Variants in HOXC4 observed in about 807,000 individuals in gnomAD.
The protein encoded by HOXC4 is homeobox protein Hox-C4.
A neutral mutation model predicts 25.5 loss-of-function variants in HOXC4; 15 were observed. The observed-to-expected ratio is 0.59, with a 90% CI of 0.39 to 0.91. The LOEUF is 0.91. HOXC4 is among the 40% of genes least tolerant of loss of function. The pLI, the probability that HOXC4 is intolerant of heterozygous loss-of-function variation, is 0.00. For missense variants in HOXC4, 342 were observed against 352.4 expected (o/e 0.97, Z 0.24); for synonymous variants, 165 against 148.0 (o/e 1.11, Z -0.83).
intron 1 of HOXC4, among the ~76,000 whole-genome samples, chr12:54,043,623 G>A (rs1331945188): frequency 6.7e-6 from 1 of 148,202 alleles, no homozygotes; most frequent in Non-Finnish European, 1.5e-5. Flanking sequence ...CAGCTGTTGA[G>A]TTTCCTTCCT....
chr12:54,038,593 T>C (rs1378597604), intron 1 of HOXC4, among the ~76,000 whole-genome samples: 2 of 152,132 alleles, frequency 1.3e-5, no homozygotes, highest in African/African-American at 4.8e-5. Context: ...CCTCCCTCAC[T>C]ACCAGGCTTG....
Position 54,044,011 on chromosome 12 carries a change from T to C in HOXC4, c.-123-9149T>C, listed in dbSNP as rs571155933. 8.6e-5 allele frequency among the ~76,000 whole-genome samples: 13 copies of C among 151,314 alleles called. No homozygotes were observed. In the East Asian group the frequency reaches 2.0e-3, roughly 23 times the overall value. The stretch of plus-strand genomic sequence containing the variant: ...CAGGTCTTTCATTTTATGTTGTGTC[T>C]CTCCCCATCCCCTGGGTGGAGGATG... On this transcript the variant is annotated intron_variant, in intron 1 of 3. Coordinates refer to the HOXC4 transcript ENST00000303406.
intron 1 of HOXC4, chr12:54,033,328 C>G: frequency 6.2e-7 from 1 of 1,613,528 alleles, no homozygotes; most frequent in Non-Finnish European, 8.5e-7. Flanking sequence ...AACCCCCGGG[C>G]TCACCCCGAC....
At chr12:54,016,944 G>C (rs1940181165) in exon 1 of HOXC4, 1 of 152,050 alleles carries the variant, frequency 6.6e-6, no homozygotes, top group Admixed American at 6.5e-5. Flanking sequence ...TGCCCTGGGC[G>C]CTCCCTTCAT....
chr12:54,054,136 C>A lies in HOXC4; in HGVS notation c.214C>A (p.Leu72Ile). 6.2e-7 allele frequency: 1 copy of A among 1,614,188 alleles called. No individual in the cohort carries two copies. The highest frequency in any genetic ancestry group is 1.3e-5 in the African/African-American group (1 of 75,060). The change falls in exon 1 of 2, where the codon CTC (leucine) becomes ATC (isoleucine). Residue 72 changes from leucine (L) to isoleucine (I), a missense_variant. Coordinates refer to ENST00000430889, the MANE Select transcript of HOXC4 (RefSeq NM_153633.3). ...YPERQYSCTS[L>I]QGPGNSRGHG... ...TGAGCGCCAGTATAGCTGCACCAGT[C>A]TCCAGGGGCCCGGCAATTCGCGAGG...
intron 1 of HOXC4, chr12:54,034,333 C>T: frequency 1.2e-6 from 2 of 1,614,178 alleles, no homozygotes; most frequent in South Asian, 2.2e-5. Flanking sequence ...CTCTGGAACT[C>T]GAGAAAGAAT....
In HOXC4 at chr12:54,055,310, AT is replaced by A. The variant is rs1937952441; in HGVS notation, c.*106del. On this transcript the variant is annotated 3_prime_UTR_variant, in exon 2 of 2. Transcript: ENST00000430889. ...AATATATATATATATATATATATATATAGGTTCTTTTCTCTCTTCCTCTCAC... is the reference window on the plus strand; with the variant it reads ...AATATATATATATATATATATATATAAGGTTCTTTTCTCTCTTCCTCTCAC... 3.7e-6 allele frequency: 1 copy of A among 271,484 alleles called. No homozygotes were observed. The highest frequency in any genetic ancestry group is 2.5e-5 in the African/African-American group (1 of 40,770). 16.8% of individuals were successfully genotyped at this position (271,484 alleles called of 1,614,324 possible).
chr12:54,054,284 C>A lies in HOXC4; in HGVS notation c.362C>A (p.Ala121Asp), dbSNP rs1294830587. The change falls in exon 1 of 2, where the codon GCC becomes GAC. Residue 121 changes from alanine to aspartate, a missense_variant. Ala to Asp is a moderately radical substitution (Grantham distance 126). Coordinates refer to ENST00000430889, the MANE Select transcript of HOXC4 (RefSeq NM_153633.3). The part of the protein sequence containing the change: ...SPAPPACSQP[A>D]PDHPSSAASK... The stretch of plus-strand genomic sequence containing the variant: ...GCCCCGCCAGCCTGCAGCCAGCCAG[C>A]CCCCGACCATCCCTCCAGCGCCGCC... The A allele has an allele frequency of 7.5e-6, 12 of 1,608,204 alleles. No homozygotes were observed. The highest frequency in any genetic ancestry group is 9.3e-6 in the Non-Finnish European group (11 of 1,176,882).
intron 1 of HOXC4, among the ~76,000 whole-genome samples, chr12:54,040,476 G>C (rs751307130): frequency 1.3e-5 from 2 of 152,108 alleles, no homozygotes; most frequent in African/African-American, 2.4e-5. Context: ...AGCCTCCTCT[G>C]TCAGTCCCTG....
chr12:54,040,145 A>G (rs1231114933), intron 1 of HOXC4, among the ~76,000 whole-genome samples: 3 of 152,172 alleles, frequency 2.0e-5, no homozygotes, highest in South Asian at 2.1e-4. Flanking sequence ...CCCACCCACT[A>G]CCCCAAACCC....
intron 1 of HOXC4, among the ~76,000 whole-genome samples, chr12:54,030,990 C>A (rs916220305): frequency 6.6e-6 from 1 of 152,232 alleles, no homozygotes. Flanking sequence ...TTCTCGCGAT[C>A]GCACTGAGGG....
intron 1 of HOXC4, among the ~76,000 whole-genome samples, chr12:54,043,968 T>TGTGTGTGTGTGTG (rs1565750575): frequency 6.6e-5 from 4 of 60,460 alleles, no homozygotes; most frequent in Non-Finnish European, 1.5e-4. Context: ...GTGTGTGTGT[T>TGTGTGTGTGTGTG]TAGGGAGTAG....
At position 54,054,872 on chromosome 12, in the gene HOXC4, G is replaced by A; in HGVS notation, c.462G>A (p.Gly154=). The change falls in exon 2 of 2, where the codon GGG becomes GGA. Residue 154 remains glycine, a synonymous_variant. Coordinates refer to ENST00000430889, the MANE Select transcript of HOXC4 (RefSeq NM_153633.3). ...CAGTGAACCCCAATTATAACGGAGGGGAACCCAAGCGCTCGAGGACAGCCT... is the reference window on the plus strand; with the variant it reads ...CAGTGAACCCCAATTATAACGGAGGAGAACCCAAGCGCTCGAGGACAGCCT... The part of the protein sequence containing the change: ...VSTVNPNYNG[G]EPKRSRTAYT... 1 of 1,608,646 alleles carries A rather than the reference G, an allele frequency of 6.2e-7. No homozygotes were observed. Among genetic ancestry groups the A allele is most frequent in the Non-Finnish European group, 8.5e-7 (1 of 1,175,694 alleles).
At chr12:54,051,518 CA>C (rs1393105665), upstream of HOXC4, among the ~76,000 whole-genome samples, 1 of 152,200 alleles carries the variant, frequency 6.6e-6, no homozygotes, top group African/African-American at 2.4e-5. Flanking sequence ...CCAACCAAAC[CA>C]GCCTGTCCTC....
chr12:54,034,610 C>G, intron 1 of HOXC4: 1 of 803,990 alleles, frequency 1.2e-6, no homozygotes, highest in South Asian at 1.8e-5. Flanking sequence ...CACTGGGCTC[C>G]CGGGCCCCAC....
chr12:54,026,892 A>G (rs938837389), intron 1 of HOXC4, among the ~76,000 whole-genome samples: 1 of 151,924 alleles, frequency 6.6e-6, no homozygotes, highest in African/African-American at 2.4e-5. Context: ...GAAGGAAAAG[A>G]TCATAAAATC....
chr12:54,039,243 A>T (rs1020831791), intron 1 of HOXC4, among the ~76,000 whole-genome samples: 1 of 151,768 alleles, frequency 6.6e-6, no homozygotes, highest in South Asian at 2.1e-4. Context: ...GTGTCTGGGC[A>T]TCTGCTTTGT....
At chr12:54,031,964 C>T (rs1941003962) in intron 1 of HOXC4, among the ~76,000 whole-genome samples, 1 of 152,198 alleles carries the variant, frequency 6.6e-6, no homozygotes, top group African/African-American at 2.4e-5. Context: ...GAGACCTTTT[C>T]CCCAAAGGGC....
chr12:54,017,607 G>C (rs766690873), intron 1 of HOXC4, among the ~76,000 whole-genome samples: 10 of 152,064 alleles, frequency 6.6e-5, no homozygotes, highest in Non-Finnish European at 1.5e-4. Flanking sequence ...AACTGGTAGT[G>C]GGGCGATTGT....
Sources: allele counts gnomAD v4.1 joint callset (sites outside exome capture counted in the v4.1 genomes callset), GRCh38; gene constraint gnomAD v4.1.1; transcripts MANE v1.5; gene names NCBI Gene and HGNC (gene_info 2026-07-23, HGNC 2026-07-21).